Variants in TBC1D22A observed in about 807,000 individuals in gnomAD.
TBC1D22A encodes putative GTPase activator.
Under a neutral mutation model 60.2 loss-of-function variants are expected in TBC1D22A, and 38 were observed. The observed-to-expected ratio is 0.63, with a 90% CI of 0.49 to 0.83. TBC1D22A has a LOEUF of 0.83. Among genes scored for constraint, TBC1D22A ranks in the 40% least tolerant of loss-of-function variants. The pLI, the probability that TBC1D22A is intolerant of heterozygous loss-of-function variation, is 0.00. For synonymous variants in TBC1D22A, 302 were observed against 281.7 expected (o/e 1.07, Z -0.72); for missense variants, 628 against 701.0 (o/e 0.90, Z 1.18).
chr22:47,108,304 C>T (rs1204056708), intron 11 of TBC1D22A, among the ~76,000 whole-genome samples: 1 of 152,174 alleles, frequency 6.6e-6, no homozygotes, highest in Non-Finnish European at 1.5e-5. Flanking sequence ...ACAATTCAGT[C>T]CATCAACAGA....
rs946899876 is a variant in TBC1D22A at position 46,990,874 on chromosome 22, C to G, written c.1126-6760C>G. ...GTCTGGAAGTGACCATGGATGGCCTCCTCCTGCTGGTGTGCCGCTTTACTC... is the reference window on the plus strand; with the variant it reads ...GTCTGGAAGTGACCATGGATGGCCTGCTCCTGCTGGTGTGCCGCTTTACTC... On this transcript the variant is annotated intron_variant, in intron 9 of 12. Coordinates refer to ENST00000337137, the MANE Select transcript of TBC1D22A (RefSeq NM_014346.5). The surrounding 1 kb of genome is among the most constrained non-coding windows in gnomAD (Gnocchi z 4.6). Among the ~76,000 whole-genome samples the G allele has an allele frequency of 3.3e-5, 5 of 152,192 alleles. No homozygotes were observed. Among genetic ancestry groups the G allele is most frequent in the Non-Finnish European group, 7.3e-5 (5 of 68,042 alleles).
intron 8 of TBC1D22A, among the ~76,000 whole-genome samples, chr22:46,956,709 C>T (rs1049502194): frequency 2.0e-5 from 3 of 152,174 alleles, no homozygotes; most frequent in African/African-American, 4.8e-5. Flanking sequence ...GGGCGCGTTC[C>T]CCTCAGCGTG....
intron 4 of TBC1D22A, among the ~76,000 whole-genome samples, chr22:46,820,784 T>C (rs1301360226): frequency 6.6e-6 from 1 of 152,242 alleles, no homozygotes; most frequent in East Asian, 1.9e-4. Context: ...TGAATGTCCT[T>C]GTTAATTTTC....
intron 5 of TBC1D22A, among the ~76,000 whole-genome samples, chr22:46,883,372 C>A (rs543734950): frequency 1.3e-5 from 2 of 152,250 alleles, no homozygotes; most frequent in African/African-American, 4.8e-5. Flanking sequence ...TTCTGTAGTT[C>A]TGTCATTTAA....
chr22:47,096,690 C>T lies in TBC1D22A; in HGVS notation c.1330-14818C>T, dbSNP rs376843534. Among the ~76,000 whole-genome samples the T allele has an allele frequency of 5.6e-4, 85 of 152,152 alleles. No homozygotes were observed. In the East Asian group the frequency reaches 5.6e-3, roughly 10 times the overall value. The stretch of plus-strand genomic sequence containing the variant: ...TACAAAAATTAGCCGGGTGTAGTGG[C>T]GCATGCCTGTAAGCCCAGCTACTTG... On this transcript the variant is annotated intron_variant, in intron 11 of 12. Transcript: ENST00000337137.
chr22:46,909,420 G>A (rs62232696), intron 7 of TBC1D22A, among the ~76,000 whole-genome samples: 1 of 152,122 alleles, frequency 6.6e-6, no homozygotes, highest in East Asian at 1.9e-4. Context: ...CTGGGGCGCT[G>A]CACTGCTTGT....
intron 1 of TBC1D22A, among the ~76,000 whole-genome samples, chr22:46,769,115 A>G (rs993730116): frequency 1.4e-3 from 208 of 151,212 alleles, no homozygotes; most frequent in African/African-American, 4.9e-3. Context: ...AAAAAAAAAA[A>G]AGAAAGTGTT....
chr22:46,887,835 A>G (rs1156544711), intron 5 of TBC1D22A, among the ~76,000 whole-genome samples: 1 of 152,230 alleles, frequency 6.6e-6, no homozygotes, highest in Non-Finnish European at 1.5e-5. Context: ...TTTATTAAAA[A>G]GAAGTTTCAG....
At chr22:47,022,106 C>T (rs963544906) in intron 10 of TBC1D22A, among the ~76,000 whole-genome samples, 8 of 152,194 alleles carry the variant, frequency 5.3e-5, no homozygotes, top group African/African-American at 9.7e-5. Context: ...GGGAAATGAG[C>T]ACCAAATGTT....
chr22:46,912,705 C>T (rs527512480), intron 8 of TBC1D22A, among the ~76,000 whole-genome samples: 19 of 152,286 alleles, frequency 1.2e-4, no homozygotes, highest in Admixed American at 5.9e-4. Context: ...TACGGGCATG[C>T]GCCACCATGC....
chr22:46,859,018 CGATAGAGGT>C (rs1569140001), intron 4 of TBC1D22A, among the ~76,000 whole-genome samples: 28 of 117,020 alleles, frequency 2.4e-4, no homozygotes, highest in South Asian at 8.1e-4. Flanking sequence ...GAATCCTTTT[CGATAGAGGT>C]CCGCGCAGTG....
At chr22:46,778,939 G>C (rs923136622) in intron 1 of TBC1D22A, among the ~76,000 whole-genome samples, 14 of 152,288 alleles carry the variant, frequency 9.2e-5, no homozygotes. Flanking sequence ...AGATACCCAG[G>C]AGTCTGAGGC....
chr22:46,781,339 T>G (rs809032), intron 1 of TBC1D22A, among the ~76,000 whole-genome samples: 2 of 151,686 alleles, frequency 1.3e-5, no homozygotes, highest in Non-Finnish European at 2.9e-5. Context: ...CCATGCCTGG[T>G]TAATTTTTAT....
intron 11 of TBC1D22A, among the ~76,000 whole-genome samples, chr22:47,076,982 G>A (rs898151377): frequency 1.3e-5 from 2 of 152,078 alleles, no homozygotes; most frequent in African/African-American, 2.4e-5. Flanking sequence ...GTAAAGAAGG[G>A]CATCATGCCT....
At chr22:46,868,679 A>G (rs773108564) in intron 4 of TBC1D22A, among the ~76,000 whole-genome samples, 7 of 152,048 alleles carry the variant, frequency 4.6e-5, no homozygotes, top group Non-Finnish European at 1.0e-4. Context: ...TACTATGCTA[A>G]TTTTGCAGAT....
intron 8 of TBC1D22A, among the ~76,000 whole-genome samples, chr22:46,967,808 T>A (rs945277826): frequency 6.6e-6 from 1 of 151,666 alleles, no homozygotes; most frequent in Non-Finnish European, 1.5e-5. Flanking sequence ...TTGCACCCCC[T>A]GGTAATTACA....
At chr22:47,067,431 A>G (rs1238730712) in intron 11 of TBC1D22A, among the ~76,000 whole-genome samples, 2 of 152,248 alleles carry the variant, frequency 1.3e-5, no homozygotes, top group East Asian at 3.8e-4. Context: ...GCTCAGGAGA[A>G]AAGCCAGGGT....
chr22:46,787,439 G>T (rs1408050117), intron 1 of TBC1D22A, among the ~76,000 whole-genome samples: 3 of 152,126 alleles, frequency 2.0e-5, no homozygotes, highest in African/African-American at 7.2e-5. Flanking sequence ...CTTCACCAGA[G>T]TAGCTCTGCC....
intron 8 of TBC1D22A, among the ~76,000 whole-genome samples, chr22:46,932,071 T>C (rs1022971728): frequency 6.6e-6 from 1 of 152,254 alleles, no homozygotes; most frequent in Non-Finnish European, 1.5e-5. Flanking sequence ...GGCTCATGCA[T>C]GCCCCCATTT....
Sources: allele counts gnomAD v4.1 joint callset (sites outside exome capture counted in the v4.1 genomes callset), GRCh38; gene constraint gnomAD v4.1.1; non-coding constraint Gnocchi (gnomAD v3.1); transcripts MANE v1.5; gene names NCBI Gene and HGNC (gene_info 2026-07-23, HGNC 2026-07-21).